Variants in PCNX2 observed in about 807,000 individuals in gnomAD.
The protein encoded by PCNX2 is pecanex 2, also known as pecanex-like protein 2.
PCNX2 carries 168 observed loss-of-function variants against 223.8 expected under a neutral mutation model. That is an observed-to-expected ratio of 0.75 (90% CI 0.66 to 0.85). The LOEUF (loss-of-function observed/expected upper bound fraction) is 0.85. Among genes scored for constraint, PCNX2 ranks in the 40% least tolerant of loss-of-function variants. The pLI, the probability that PCNX2 is intolerant of heterozygous loss-of-function variation, is 0.00. For missense variants in PCNX2, 2,507 were observed against 2,675.5 expected (o/e 0.94, Z 1.39); for synonymous variants, 1,006 against 1,052.6 (o/e 0.96, Z 0.86).
At chr1:233,016,271 C>G (rs1670652414) in intron 27 of PCNX2, among the ~76,000 whole-genome samples, 1 of 152,198 alleles carries the variant, frequency 6.6e-6, no homozygotes, top group African/African-American at 2.4e-5. Context: ...TTGTTTCTAA[C>G]TTGTACCCAC....
chr1:233,017,181 T>C lies in PCNX2; in HGVS notation c.4606-27A>G, dbSNP rs541156031. ...TGCAGAGAAAAAGCCAGGAAGATTTTATTTATTAATTTAATCTTAGAAAGT... is the reference window on the plus strand; with the variant it reads ...TGCAGAGAAAAAGCCAGGAAGATTTCATTTATTAATTTAATCTTAGAAAGT... On this transcript the variant is annotated intron_variant, in intron 26 of 33. Coordinates refer to ENST00000258229, the MANE Select transcript of PCNX2 (RefSeq NM_014801.4). The C allele has an allele frequency of 1.2e-4, 178 of 1,523,418 alleles. 4 individuals are homozygous for C. In the South Asian group the frequency reaches 1.9e-3, roughly 16 times the overall value. The allele number at this position is 1,523,418 out of a possible 1,614,324, so 94.4% of individuals were successfully genotyped here. A position where few individuals can be genotyped will look rare whatever the true frequency, so the allele number is the denominator to read the frequency against.
rs1162818873 is a variant in PCNX2, at chr1:233,164,831, A to G, written c.3274-3468T>C. 2.6e-5 allele frequency among the ~76,000 whole-genome samples: 4 copies of G among 152,118 alleles called. No homozygotes were observed. In the South Asian group the frequency reaches 6.2e-4, roughly 24 times the overall value. On this transcript the variant is annotated intron_variant, in intron 17 of 33. Transcript: ENST00000258229. ...TTATTTGTAGAATCTAAAAAAGCCA[A>G]TCTCATAGAAGTACAGAGTGGAATA...
chr1:233,152,034 G>A (rs1400346085), intron 19 of PCNX2, among the ~76,000 whole-genome samples: 4 of 152,222 alleles, frequency 2.6e-5, no homozygotes, highest in African/African-American at 7.2e-5. Flanking sequence ...AAACCCCTGC[G>A]GCCACCTCCA....
chr1:233,241,762 T>C (rs1173807415), intron 8 of PCNX2, among the ~76,000 whole-genome samples: 1 of 152,234 alleles, frequency 6.6e-6, no homozygotes, highest in Non-Finnish European at 1.5e-5. Context: ...CACATGGTAC[T>C]GGGTATATCT....
the PCNX2 span, among the ~76,000 whole-genome samples, chr1:233,308,045 G>A: frequency 5.5e-4 from 84 of 152,344 alleles, no homozygotes; most frequent in Non-Finnish European, 9.6e-4. Context: ...TGTGAGAATT[G>A]AGTCCATATA....
At chr1:233,202,314 C>T (rs914861796) in intron 13 of PCNX2, 3 of 367,264 alleles carry the variant, frequency 8.2e-6, no homozygotes, top group African/African-American at 2.2e-5. Context: ...CTCACTTCTT[C>T]CTAACTTCTT....
At chr1:233,238,105 G>A (rs577771446) in intron 8 of PCNX2, among the ~76,000 whole-genome samples, 6 of 152,262 alleles carry the variant, frequency 3.9e-5, no homozygotes, top group South Asian at 2.1e-4. Context: ...TTAAACCTCC[G>A]AATTCACCAA....
At chr1:233,212,221 C>T (rs1011115725) in intron 12 of PCNX2, among the ~76,000 whole-genome samples, 1 of 152,206 alleles carries the variant, frequency 6.6e-6, no homozygotes, top group Non-Finnish European at 1.5e-5. Context: ...CACCACCCCA[C>T]TGTGACCCTA....
Position 233,291,916 on chromosome 1 carries a change from T to C in PCNX2, c.153+3410A>G, listed in dbSNP as rs561107669. 3 of 985,404 alleles carry C rather than the reference T, an allele frequency of 3.0e-6. No homozygotes were observed. In the African/African-American group the frequency reaches 5.2e-5, roughly 17 times the overall value. 61.0% of individuals were successfully genotyped at this position (985,404 alleles called of 1,614,324 possible). On this transcript the variant is annotated intron_variant, in intron 1 of 33. Coordinates refer to ENST00000258229, the MANE Select transcript of PCNX2 (RefSeq NM_014801.4). ...TTACACAAGGCCAGAATCATGCCCA[T>C]ATGCCCCTGCTGTAAAGAAAACTGC... is the stretch of plus-strand genomic sequence containing the variant.
At chr1:232,998,580 G>A in intron 31 of PCNX2, 142 bp from the exon 32 acceptor site, 2 of 798,838 alleles carry the variant, frequency 2.5e-6, no homozygotes, top group Non-Finnish European at 1.9e-6. Flanking sequence ...GGTGGGAAGA[G>A]GGGCTGTTGT....
chr1:233,131,801 T>C (rs1455661603), intron 21 of PCNX2, among the ~76,000 whole-genome samples: 1 of 152,172 alleles, frequency 6.6e-6, no homozygotes, highest in African/African-American at 2.4e-5. Context: ...GTGCTAATGC[T>C]CCCTCAATTA....
At chr1:233,309,178 A>G in the PCNX2 span, among the ~76,000 whole-genome samples, 3 of 152,260 alleles carry the variant, frequency 2.0e-5, no homozygotes, top group Non-Finnish European at 4.4e-5. Flanking sequence ...AAAGAAATTC[A>G]CAATACAAAA....
chr1:233,120,554 T>C (rs1240827756), intron 21 of PCNX2, among the ~76,000 whole-genome samples: 1 of 152,210 alleles, frequency 6.6e-6, no homozygotes, highest in African/African-American at 2.4e-5. Context: ...AGCATGGAAC[T>C]ACCTACGGCA....
chr1:233,042,057 T>C (rs1047342916), intron 25 of PCNX2, among the ~76,000 whole-genome samples: 2 of 152,254 alleles, frequency 1.3e-5, no homozygotes, highest in African/African-American at 4.8e-5. Flanking sequence ...GTCCCCAAGA[T>C]ATTTCATTAT....
chr1:233,072,211 CTT>C (rs1488461903), intron 23 of PCNX2, among the ~76,000 whole-genome samples: 1 of 152,280 alleles, frequency 6.6e-6, no homozygotes, highest in African/African-American at 2.4e-5. Context: ...ATCATGAAAT[CTT>C]TGTCTGTTCC....
chr1:233,005,445 G>C (rs3766490), intron 28 of PCNX2, among the ~76,000 whole-genome samples: 1 of 152,196 alleles, frequency 6.6e-6, no homozygotes. Flanking sequence ...TAAGAGGCTT[G>C]AGTTCCATCA....
At chr1:233,286,660 C>A (rs1221815182) in intron 1 of PCNX2, among the ~76,000 whole-genome samples, 1 of 151,974 alleles carries the variant, frequency 6.6e-6, no homozygotes, top group Non-Finnish European at 1.5e-5. Context: ...TCAAGACAAG[C>A]GCCAGAGAGA....
chr1:233,298,993 A>G (rs1002292336), upstream of PCNX2, among the ~76,000 whole-genome samples: 6 of 152,188 alleles, frequency 3.9e-5, no homozygotes, highest in African/African-American at 1.4e-4. Context: ...GAGACTCTAA[A>G]GTCTTTATCT....
chr1:233,155,090 AT>A (rs1678038533), intron 19 of PCNX2, among the ~76,000 whole-genome samples: 1 of 147,750 alleles, frequency 6.8e-6, no homozygotes, highest in African/African-American at 2.5e-5. Flanking sequence ...AAAAAAAAAG[AT>A]ACAGAAACTC....
Sources: gnomAD v4.1 joint callset for allele counts (sites outside exome capture counted in the v4.1 genomes callset) on GRCh38, gnomAD v4.1.1 for gene constraint, MANE v1.5 for transcripts, NCBI Gene and HGNC (gene_info 2026-07-23, HGNC 2026-07-21) for gene names.